The following ARIH1 variants were observed in gnomAD, a reference collection of about 807,000 sequenced individuals.
ARIH1 encodes E3 ubiquitin-protein ligase ARIH1.
Under a neutral mutation model 85.0 loss-of-function variants are expected in ARIH1, and 8 were observed. The observed-to-expected ratio is 0.09, with a 90% CI of 0.06 to 0.17. The LOEUF (loss-of-function observed/expected upper bound fraction) is 0.17, where lower values mean the gene tolerates loss of function less well. ARIH1 is among the 10% of genes least tolerant of loss of function. ARIH1 has a pLI of 1.00. For synonymous variants in ARIH1, 238 were observed against 253.6 expected (o/e 0.94, Z 0.59); for missense variants, 311 against 718.1 (o/e 0.43, Z 6.48).
chr15:72,475,224 C>A, intron 1 of ARIH1: 1 of 1,135,312 alleles, frequency 8.8e-7, no homozygotes. Context: ...GCGCTGGGGG[C>A]GGTGCTTCCC....
At chr15:72,571,402 T>C (rs547198066) in intron 10 of ARIH1, among the ~76,000 whole-genome samples, 3 of 152,204 alleles carry the variant, frequency 2.0e-5, no homozygotes, top group African/African-American at 7.2e-5. Context: ...TGGTATATAG[T>C]AAGCACTCAT....
At chr15:72,500,870 C>G (rs2063899939) in intron 1 of ARIH1, among the ~76,000 whole-genome samples, 1 of 152,108 alleles carries the variant, frequency 6.6e-6, no homozygotes, top group South Asian at 2.1e-4. Flanking sequence ...CTTGCAGTAC[C>G]ATTAACTTCT....
At chr15:72,547,594 T>TATTG (rs1224067077) in intron 3 of ARIH1, among the ~76,000 whole-genome samples, 1 of 152,232 alleles carries the variant, frequency 6.6e-6, no homozygotes, top group Non-Finnish European at 1.5e-5. Flanking sequence ...CCAACCTGAG[T>TATTG]ATTGTATCAT....
At position 72,587,746 on chromosome 15, in the gene ARIH1, C is replaced by T. The variant is rs539291882; in HGVS notation, c.*4454C>T. On this transcript the variant is annotated 3_prime_UTR_variant, in exon 14 of 14. Coordinates refer to ENST00000379887, the MANE Select transcript of ARIH1 (RefSeq NM_005744.5). ...TTAGGGATTTTGCTTCTGTAGTTAC[C>T]CAAGATCAAATAGCCAACTCAGAAA... The T allele has an allele frequency of 1.4e-4, 22 of 152,476 alleles. No homozygotes were observed. The highest frequency in any genetic ancestry group is 5.3e-4 in the African/African-American group (22 of 41,490). The allele number at this position is 152,476 out of a possible 1,614,324, so 9.4% of individuals were successfully genotyped here.
At chr15:72,517,887 T>G (rs2063982181) in intron 1 of ARIH1, among the ~76,000 whole-genome samples, 180 bp from the exon 2 acceptor site, 1 of 152,196 alleles carries the variant, frequency 6.6e-6, no homozygotes, top group African/African-American at 2.4e-5. Flanking sequence ...TGTGGCAGAC[T>G]ATGTTTAAAT....
At chr15:72,508,583 T>C (rs1181665401) in intron 1 of ARIH1, among the ~76,000 whole-genome samples, 1 of 152,232 alleles carries the variant, frequency 6.6e-6, no homozygotes, top group Non-Finnish European at 1.5e-5. Flanking sequence ...TTGATGTGAG[T>C]ATTAAATGAA....
At chr15:72,581,133 A>G in intron 12 of ARIH1, 142 bp downstream of exon 12, 1 of 917,686 alleles carries the variant, frequency 1.1e-6, no homozygotes, top group South Asian at 1.8e-5. Flanking sequence ...CAAAGATACA[A>G]GAAATTTCTA....
chr15:72,551,852 T>A (rs576744357), intron 3 of ARIH1, among the ~76,000 whole-genome samples: 39 of 152,248 alleles, frequency 2.6e-4, no homozygotes, highest in Non-Finnish European at 3.8e-4. Context: ...AAAAGAAATA[T>A]ACAGTGTAAA....
chr15:72,477,477 A>G (rs1384589026), intron 1 of ARIH1, among the ~76,000 whole-genome samples: 1 of 152,200 alleles, frequency 6.6e-6, no homozygotes, highest in Non-Finnish European at 1.5e-5. Flanking sequence ...ATACATTTGC[A>G]GGTGAAAAAG....
intron 3 of ARIH1, among the ~76,000 whole-genome samples, chr15:72,555,010 T>C (rs1295625888): frequency 1.3e-5 from 2 of 152,226 alleles, no homozygotes; most frequent in Non-Finnish European, 2.9e-5. Flanking sequence ...TGAATGATAC[T>C]GAGTATTCTT....
chr15:72,571,129 CAAAAAAAAAAAAAAAAAA>C (rs56376097), intron 10 of ARIH1, among the ~76,000 whole-genome samples: 19 of 61,476 alleles, frequency 3.1e-4, no homozygotes, highest in African/African-American at 1.1e-3. Flanking sequence ...AACTGTGTCT[CAAAAAAAAAAAAAAAAAA>C]AAAAAAAAAA....
chr15:72,480,617 T>C (rs2063812696), intron 1 of ARIH1, among the ~76,000 whole-genome samples: 1 of 152,036 alleles, frequency 6.6e-6, no homozygotes, highest in Admixed American at 6.6e-5. Flanking sequence ...CAGGCTGGAG[T>C]GCAATGACGC....
chr15:72,571,725 A>T lies in ARIH1; in HGVS notation c.1158-383A>T, dbSNP rs1039079855. ...AGTAACAGATGGCCTAAGAGATAAG[A>T]TTATCTCTTTCTCAAAAAGTTGAGT... On this transcript the variant is annotated intron_variant, in intron 10 of 13. Coordinates refer to ENST00000379887, the MANE Select transcript of ARIH1 (RefSeq NM_005744.5). 2.0e-5 allele frequency among the ~76,000 whole-genome samples: 3 copies of T among 152,302 alleles called. No homozygotes were observed. The East Asian group carries it at 5.8e-4, about 29-fold the overall frequency.
chr15:72,530,151 T>A (rs2064049249), intron 2 of ARIH1, among the ~76,000 whole-genome samples: 1 of 152,182 alleles, frequency 6.6e-6, no homozygotes, highest in Admixed American at 6.5e-5. Flanking sequence ...TTCTGGTAAT[T>A]TTGACCGTTC....
intron 3 of ARIH1, among the ~76,000 whole-genome samples, chr15:72,552,624 AAAC>A (rs1045579308): frequency 1.7e-4 from 26 of 152,160 alleles, no homozygotes; most frequent in African/African-American, 5.6e-4. Context: ...CAACAAAAAA[AAAC>A]AAGGTGCAGA....
chr15:72,560,410 A>G (rs2064192827), intron 5 of ARIH1, among the ~76,000 whole-genome samples: 1 of 152,212 alleles, frequency 6.6e-6, no homozygotes. Flanking sequence ...TTGAGTGCTT[A>G]CTATCTGCCA....
chr15:72,544,486 T>G (rs2064120402), intron 2 of ARIH1, among the ~76,000 whole-genome samples: 1 of 151,994 alleles, frequency 6.6e-6, no homozygotes, highest in Admixed American at 6.6e-5. Flanking sequence ...TTCCCAAGAT[T>G]CAGTTATTTA....
chr15:72,518,372 T>TG (rs35733327), intron 2 of ARIH1, among the ~76,000 whole-genome samples: 117,522 of 152,178 alleles, frequency 0.77, 51,597 homozygotes, highest in Non-Finnish European at 0.96. Flanking sequence ...TGTTTGGGGG[T>TG]GTGCTTCAGT....
chr15:72,580,857 CACA>C lies in ARIH1; in HGVS notation c.1346_1348del (p.Asn449del). ...ACAGAAAATGGAGGAGATGCAGCAG[CACA>C]ACATGTCCTGGATTGAGGTGCAGTT... On this transcript the variant is annotated inframe_deletion, in exon 12 of 14. Transcript: ENST00000379887. 1.2e-6 allele frequency: 2 copies of C among 1,614,164 alleles called. No individual in the cohort carries two copies. Among genetic ancestry groups the C allele is most frequent in the African/African-American group, 2.7e-5 (2 of 75,052 alleles).
Sources: allele counts gnomAD v4.1 joint callset (sites outside exome capture counted in the v4.1 genomes callset), GRCh38; gene constraint gnomAD v4.1.1; transcripts MANE v1.5; gene names NCBI Gene and HGNC (gene_info 2026-07-23, HGNC 2026-07-21).